Variants in PNPLA7 observed in about 807,000 individuals in gnomAD.
The protein encoded by PNPLA7 is patatin-like phospholipase domain-containing protein 7.
In PNPLA7, 153 loss-of-function variants were observed where a neutral mutation model predicts 161.7. The observed-to-expected ratio is 0.95, with a 90% CI of 0.83 to 1.08. The LOEUF is 1.08. Among genes scored for constraint, PNPLA7 ranks in the 50% least tolerant of loss-of-function variants. The pLI, the probability that PNPLA7 is intolerant of heterozygous loss-of-function variation, is 0.00. For missense variants in PNPLA7, 1,739 were observed against 1,856.6 expected (o/e 0.94, Z 1.16); for synonymous variants, 809 against 782.1 (o/e 1.03, Z -0.57).
chr9:137,468,532 T>TG lies in PNPLA7; in HGVS notation c.2883-1060dup, dbSNP rs907258887. Among the ~76,000 whole-genome samples the TG allele has an allele frequency of 2.0e-5, 3 of 152,068 alleles. No individual in the cohort carries two copies. The highest frequency in any genetic ancestry group is 4.4e-5 in the Non-Finnish European group (3 of 68,006). ...AGGGAGCTCGGATGCAAGCCACAGC[T>TG]GGGGGGGACCCTGGAGGCATTTGCT... On this transcript the variant is annotated intron_variant, in intron 25 of 34. Transcript: ENST00000406427. This position sits in a 1 kb window ranked among gnomAD's most constrained non-coding sequence, Gnocchi z 4.0.
intron 21 of PNPLA7, among the ~76,000 whole-genome samples, chr9:137,481,625 C>T (rs955214094): frequency 2.9e-4 from 44 of 152,188 alleles, no homozygotes; most frequent in African/African-American, 9.2e-4. Flanking sequence ...GGAAAGGACC[C>T]AGAGCCCCAT....
At position 137,543,172 on chromosome 9, in the gene PNPLA7, C is replaced by T. The variant is rs890818688; in HGVS notation, c.506+260G>A. On this transcript the variant is annotated intron_variant, in intron 6 of 34. Coordinates refer to ENST00000406427, the MANE Select transcript of PNPLA7 (RefSeq NM_001098537.3). The surrounding 1 kb of genome is among the most constrained non-coding windows in gnomAD (Gnocchi z 6.9). ...GAACCCAGGCTCCAGGCTTTGGATC[C>T]ACCACACCCTTCTTGCTCTTGCCCT... Among the ~76,000 whole-genome samples the T allele has an allele frequency of 6.6e-6, 1 of 152,192 alleles. No homozygotes were observed. Among genetic ancestry groups the T allele is most frequent in the Admixed American group, 6.5e-5 (1 of 15,280 alleles).
At chr9:137,501,816 A>C in intron 14 of PNPLA7, 89 bp from the exon 15 acceptor site, 1 of 1,355,964 alleles carries the variant, frequency 7.4e-7, no homozygotes, top group Non-Finnish European at 1.0e-6. Flanking sequence ...GTTCAGGGGC[A>C]ACGAGCGGTG....
At chr9:137,539,697 G>T (rs1836085715) in intron 8 of PNPLA7, among the ~76,000 whole-genome samples, 1 of 152,188 alleles carries the variant, frequency 6.6e-6, no homozygotes, top group Admixed American at 6.5e-5. Flanking sequence ...GGCACATGGG[G>T]TGATTTTACT....
At chr9:137,501,325 T>C (rs962018627) in intron 15 of PNPLA7, among the ~76,000 whole-genome samples, 1 of 152,212 alleles carries the variant, frequency 6.6e-6, no homozygotes, top group African/African-American at 2.4e-5. Context: ...CATCTGCAGA[T>C]GTACCCATGA....
chr9:137,532,048 C>T (rs956325239), intron 8 of PNPLA7, among the ~76,000 whole-genome samples: 5 of 152,148 alleles, frequency 3.3e-5, no homozygotes, highest in Admixed American at 6.6e-5. Flanking sequence ...AGGTGCCAAC[C>T]GCCATTCCCA....
Position 137,499,165 on chromosome 9 carries a change from C to A in PNPLA7, c.1758-920G>T, listed in dbSNP as rs1484858543. On this transcript the variant is annotated intron_variant, in intron 16 of 34. Coordinates refer to ENST00000406427, the MANE Select transcript of PNPLA7 (RefSeq NM_001098537.3). The surrounding 1 kb of genome is among the most constrained non-coding windows in gnomAD (Gnocchi z 5.5). ...ACACGGAGACAGAGACACTCGCAGA[C>A]ACACGGACACACGGAGACACACGGA... Among the ~76,000 whole-genome samples the A allele has an allele frequency of 6.6e-6, 1 of 150,622 alleles. No homozygotes were observed. The highest frequency in any genetic ancestry group is 2.4e-5 in the African/African-American group (1 of 40,860).
chr9:137,506,454 AG>A (rs1474383675), intron 12 of PNPLA7, among the ~76,000 whole-genome samples: 1 of 152,158 alleles, frequency 6.6e-6, no homozygotes, highest in Non-Finnish European at 1.5e-5. Flanking sequence ...AACCCTGGGT[AG>A]AGCACCCTTT....
At chr9:137,507,768 C>T (rs987880627) in intron 12 of PNPLA7, among the ~76,000 whole-genome samples, 6 of 152,096 alleles carry the variant, frequency 3.9e-5, no homozygotes, top group Non-Finnish European at 4.4e-5. Context: ...AAATAAAATA[C>T]GGGGGCCAGG....
chr9:137,510,280 T>C (rs1834152032), intron 12 of PNPLA7, among the ~76,000 whole-genome samples: 1 of 152,106 alleles, frequency 6.6e-6, no homozygotes, highest in South Asian at 2.1e-4. Context: ...CTGCCCACAG[T>C]TATCCGGAGG....
chr9:137,486,334 G>A lies in PNPLA7; in HGVS notation c.2198-1598C>T, dbSNP rs941991976. Among the ~76,000 whole-genome samples, 2 of 152,178 alleles carry A rather than the reference G, an allele frequency of 1.3e-5. No homozygotes were observed. Among genetic ancestry groups the A allele is most frequent in the East Asian group, 1.9e-4 (1 of 5,198 alleles). On this transcript the variant is annotated intron_variant, in intron 20 of 34. Coordinates refer to ENST00000406427, the MANE Select transcript of PNPLA7 (RefSeq NM_001098537.3). This position sits in a 1 kb window ranked among gnomAD's most constrained non-coding sequence, Gnocchi z 6.0. ...ACACGGCGCCGTGGCAGCACTGCGG[G>A]TAAGAGCCTGTGAACGGGGAACATG...
At chr9:137,517,576 C>T (rs1382086269) in intron 11 of PNPLA7, among the ~76,000 whole-genome samples, 185 of 91,622 alleles carry the variant, frequency 2.0e-3, no homozygotes, top group African/African-American at 6.8e-3. Flanking sequence ...CACTCCATCC[C>T]TCACTCACTC....
At chr9:137,461,342 C>T (rs1831183571) in intron 33 of PNPLA7, 194 bp downstream of exon 33, 1 of 566,622 alleles carries the variant, frequency 1.8e-6, no homozygotes, top group African/African-American at 1.9e-5. Context: ...CCGGGGTGGT[C>T]ACAGTCCCAC....
chr9:137,522,412 G>T (rs183210225), intron 9 of PNPLA7, among the ~76,000 whole-genome samples: 5 of 150,654 alleles, frequency 3.3e-5, no homozygotes, highest in Non-Finnish European at 7.4e-5. Flanking sequence ...GGATGGTCTC[G>T]ATCTCCTGAC....
At chr9:137,539,484 C>A (rs565745592) in intron 8 of PNPLA7, among the ~76,000 whole-genome samples, 1 of 152,260 alleles carries the variant, frequency 6.6e-6, no homozygotes, top group African/African-American at 2.4e-5. Flanking sequence ...TCAGCCTGGC[C>A]AACATGGCAA....
intron 11 of PNPLA7, chr9:137,516,271 T>TG: frequency 1.0e-6 from 1 of 972,998 alleles, no homozygotes; most frequent in Admixed American, 6.3e-5. Context: ...TGGGCTCGCC[T>TG]GGGATGGGCC....
In PNPLA7 at chr9:137,520,698, C is replaced by T. The variant is rs944480627; in HGVS notation, c.958-655G>A. Among the ~76,000 whole-genome samples the T allele has an allele frequency of 2.0e-5, 3 of 152,210 alleles. No homozygotes were observed. Among genetic ancestry groups the T allele is most frequent in the African/African-American group, 4.8e-5 (2 of 41,462 alleles). ...GTCTCACTCAGTTCCCACGAGAGCT[C>T]GGCTAGGTGGGGACCGTCCCACGTC... On this transcript the variant is annotated intron_variant, in intron 10 of 34. Coordinates refer to ENST00000406427, the MANE Select transcript of PNPLA7 (RefSeq NM_001098537.3). This position sits in a 1 kb window ranked among gnomAD's most constrained non-coding sequence, Gnocchi z 5.2.
chr9:137,463,182 A>C (rs1831300887), intron 29 of PNPLA7: 1 of 591,412 alleles, frequency 1.7e-6, no homozygotes, highest in East Asian at 2.8e-5. Context: ...TGCTGAGCTG[A>C]CAAACAGGGC....
intron 26 of PNPLA7, chr9:137,464,911 C>T (rs1831393508): frequency 1.1e-5 from 2 of 183,912 alleles, no homozygotes; most frequent in South Asian, 2.2e-4. Flanking sequence ...CCACCCAGCC[C>T]TGGCTCACAT....
Sources: gnomAD v4.1 joint callset for allele counts (sites outside exome capture counted in the v4.1 genomes callset) on GRCh38, gnomAD v4.1.1 for gene constraint, Gnocchi (gnomAD v3.1) non-coding constraint, MANE v1.5 for transcripts, NCBI Gene and HGNC (gene_info 2026-07-23, HGNC 2026-07-21) for gene names.